MFHAS1: variants seen among roughly 807,000 people sequenced by gnomAD.
MFHAS1 encodes the protein malignant fibrous histiocytoma-amplified sequence 1.
In MFHAS1, 50 loss-of-function variants were observed where a neutral mutation model predicts 70.4. The observed-to-expected ratio is 0.71, with a 90% confidence interval of 0.57 to 0.90. MFHAS1 has a LOEUF of 0.90. MFHAS1 is among the 40% of genes least tolerant of loss of function. The pLI, the probability that MFHAS1 is intolerant of heterozygous loss-of-function variation, is 0.00. For missense variants in MFHAS1, 1,795 were observed against 1,347.6 expected, an observed-to-expected ratio of 1.33 and a Z score of -5.20; for synonymous variants, 952 against 620.0, an observed-to-expected ratio of 1.54 and a Z score of -7.96.
chr8:8,843,720 C>T (rs1196342031), intron 1 of MFHAS1, among the ~76,000 whole-genome samples: 1 of 152,132 alleles, frequency 6.6e-6, no homozygotes, highest in East Asian at 1.9e-4. Context: ...GGCAGAGGCT[C>T]ATTTCTCCCC....
At chr8:8,847,153 T>C (rs993101837) in intron 1 of MFHAS1, among the ~76,000 whole-genome samples, 4 of 152,218 alleles carry the variant, frequency 2.6e-5, no homozygotes, top group African/African-American at 9.6e-5. Context: ...ACACAGGTAC[T>C]TGTGTATACT....
At chr8:8,814,438 C>G (rs1364711827) in intron 1 of MFHAS1, among the ~76,000 whole-genome samples, 1 of 152,208 alleles carries the variant, frequency 6.6e-6, no homozygotes, top group Non-Finnish European at 1.5e-5. Context: ...TAAGTGCACT[C>G]TGTCATGTTC....
At chr8:8,795,051 G>A (rs1004590299) in intron 2 of MFHAS1, among the ~76,000 whole-genome samples, 4 of 152,246 alleles carry the variant, frequency 2.6e-5, no homozygotes, top group South Asian at 2.1e-4. Context: ...GCACCTATTC[G>A]ACGGCACTTG....
chr8:8,789,931 G>A (rs574756671), intron 2 of MFHAS1, among the ~76,000 whole-genome samples: 12 of 151,966 alleles, frequency 7.9e-5, no homozygotes, highest in African/African-American at 1.7e-4. Context: ...GGCCTTGCCC[G>A]TTCCTCCCCT....
rs1213903123 is a variant in MFHAS1, at chr8:8,784,133, A to G, written c.*1889T>C. The G allele has an allele frequency of 6.6e-6, 1 of 152,200 alleles. No individual in the cohort carries two copies. Among genetic ancestry groups the G allele is most frequent in the Admixed American group, 6.5e-5 (1 of 15,280 alleles). The allele number at this position is 152,200 out of a possible 1,614,324, so 9.4% of individuals were successfully genotyped here. On this transcript the variant is annotated 3_prime_UTR_variant, in exon 3 of 3. Coordinates refer to ENST00000276282, the MANE Select transcript of MFHAS1 (RefSeq NM_004225.3). ...ATGGTCCCCGGGGAGTTAGCCCAAA[A>G]TCATACAAATAAGCCTTTTTCTAAA... is the stretch of plus-strand genomic sequence containing the variant.
intron 1 of MFHAS1, among the ~76,000 whole-genome samples, chr8:8,880,442 G>A (rs1277034244): frequency 6.6e-6 from 1 of 152,142 alleles, no homozygotes; most frequent in Non-Finnish European, 1.5e-5. Context: ...GGAGGAAGAT[G>A]AGGAAGAAAA....
chr8:8,871,442 C>A (rs1215382844), intron 1 of MFHAS1, among the ~76,000 whole-genome samples: 1 of 152,118 alleles, frequency 6.6e-6, no homozygotes, highest in Non-Finnish European at 1.5e-5. Flanking sequence ...CCCTGCTACT[C>A]ATGACAATGA....
chr8:8,815,480 C>A (rs910602540), intron 1 of MFHAS1, among the ~76,000 whole-genome samples: 1 of 152,198 alleles, frequency 6.6e-6, no homozygotes, highest in Non-Finnish European at 1.5e-5. Context: ...CGCACTCCCA[C>A]CAACAGTGTA....
intron 1 of MFHAS1, among the ~76,000 whole-genome samples, 187 bp downstream of exon 1, chr8:8,889,874 C>A (rs942056628): frequency 5.9e-5 from 9 of 152,196 alleles, no homozygotes; most frequent in African/African-American, 2.2e-4. Flanking sequence ...ACACTTGTGA[C>A]TGCATTTCAT....
intron 1 of MFHAS1, among the ~76,000 whole-genome samples, chr8:8,824,914 T>C (rs1807100097): frequency 6.6e-6 from 1 of 152,214 alleles, no homozygotes; most frequent in Non-Finnish European, 1.5e-5. Context: ...CAGATTTGCT[T>C]CTTCCAGTCA....
intron 1 of MFHAS1, among the ~76,000 whole-genome samples, chr8:8,801,258 A>G (rs1223668360): frequency 6.6e-6 from 1 of 152,146 alleles, no homozygotes; most frequent in East Asian, 1.9e-4. Context: ...CAGACTATTA[A>G]GCCTCCATTA....
At position 8,891,349 on chromosome 8, in the gene MFHAS1, G is replaced by A. The variant is rs1436339165; in HGVS notation, c.1710C>T (p.Ser570=). The A allele has an allele frequency of 1.9e-6, 3 of 1,610,920 alleles. No individual in the cohort carries two copies. Among genetic ancestry groups the A allele is most frequent in the East Asian group, 2.2e-5 (1 of 44,892 alleles). The change falls in exon 1 of 3, where the codon AGC becomes AGT. Residue 570 remains serine (S), a synonymous_variant. Transcript: ENST00000276282. This position sits in a 1 kb window ranked among gnomAD's most constrained non-coding sequence, Gnocchi z 5.4. ...CCTCGTCCACCACCTTGGCCAAGCGGCTCAGTCCCTCCGCGTCGTGCTTCT... is the reference window on the plus strand; with the variant it reads ...CCTCGTCCACCACCTTGGCCAAGCGACTCAGTCCCTCCGCGTCGTGCTTCT... ...LQEKHDAEGL[S]RLAKVVDEAL...
At chr8:8,874,868 T>C (rs1335207120) in intron 1 of MFHAS1, among the ~76,000 whole-genome samples, 4 of 150,226 alleles carry the variant, frequency 2.7e-5, no homozygotes, top group East Asian at 3.9e-4. Flanking sequence ...ATCTTTTATA[T>C]ATGAAGAGTT....
chr8:8,893,145 C>T lies in MFHAS1; in HGVS notation c.-87G>A. ...GCGCCCCGGGCCCTCCGGCTCCTGC[C>T]CCTGCCTGCCCTCCCGCGCTCGGCG... On this transcript the variant is annotated 5_prime_UTR_variant, in exon 1 of 3. Coordinates refer to ENST00000276282, the MANE Select transcript of MFHAS1 (RefSeq NM_004225.3). 6.9e-6 allele frequency: 6 copies of T among 873,172 alleles called. No homozygotes were observed. Among genetic ancestry groups the T allele is most frequent in the Non-Finnish European group, 9.1e-6 (6 of 660,850 alleles). The allele number at this position is 873,172 out of a possible 1,614,324, so 54.1% of individuals were successfully genotyped here.
In MFHAS1 at chr8:8,890,365, G is replaced by A. The variant is rs147513514; in HGVS notation, c.2694C>T (p.Tyr898=). 3.6e-5 allele frequency: 58 copies of A among 1,614,102 alleles called. No homozygotes were observed. In the African/African-American group the frequency reaches 6.7e-4, roughly 19 times the overall value. ...FTFPLGLFAR[Y]SVQINSHVVH... ...CCACATGGCTGTTGATCTGGACACT[G>A]TAGCGTGCAAACAACCCAAGTGGAA... Residue 898 remains tyrosine, a synonymous_variant, in exon 1 of 3, where the codon TAC becomes TAT. Coordinates refer to ENST00000276282, the MANE Select transcript of MFHAS1 (RefSeq NM_004225.3).
chr8:8,861,091 C>T (rs1302462851), intron 1 of MFHAS1, among the ~76,000 whole-genome samples: 1 of 152,176 alleles, frequency 6.6e-6, no homozygotes, highest in Non-Finnish European at 1.5e-5. Flanking sequence ...TCAAACTCAT[C>T]TTTACATTCA....
chr8:8,881,385 G>C (rs1314882802), intron 1 of MFHAS1, among the ~76,000 whole-genome samples: 1 of 152,204 alleles, frequency 6.6e-6, no homozygotes, highest in Non-Finnish European at 1.5e-5. Flanking sequence ...AATCATCTCT[G>C]CATTACGCCA....
chr8:8,817,115 G>A (rs1458677746), intron 1 of MFHAS1, among the ~76,000 whole-genome samples: 1 of 152,206 alleles, frequency 6.6e-6, no homozygotes, highest in Non-Finnish European at 1.5e-5. Flanking sequence ...GAAGCACACA[G>A]CAATCTAGTG....
At chr8:8,835,105 C>G (rs1418575178) in intron 1 of MFHAS1, among the ~76,000 whole-genome samples, 1 of 152,136 alleles carries the variant, frequency 6.6e-6, no homozygotes, top group East Asian at 1.9e-4. Flanking sequence ...ATAGGGCAAC[C>G]TAATTCCCAT....
Sources: gnomAD v4.1 joint callset for allele counts (sites outside exome capture counted in the v4.1 genomes callset) on GRCh38, gnomAD v4.1.1 for gene constraint, Gnocchi (gnomAD v3.1) non-coding constraint, MANE v1.5 for transcripts, NCBI Gene and HGNC (gene_info 2026-07-23, HGNC 2026-07-21) for gene names.